Variants in GBF1 observed in about 807,000 individuals in gnomAD.
The protein encoded by GBF1 is Golgi-specific brefeldin A-resistance guanine nucleotide exchange factor 1.
Under a neutral mutation model 210.5 loss-of-function variants are expected in GBF1, and 114 were observed. The ratio of observed to expected loss-of-function variants is 0.54; its 90% CI spans 0.47 to 0.63. The LOEUF (loss-of-function observed/expected upper bound fraction) is 0.63, where lower values mean the gene tolerates loss of function less well. Among genes scored for constraint, GBF1 ranks in the 30% least tolerant of loss-of-function variants. The pLI, the probability that GBF1 is intolerant of heterozygous loss-of-function variation, is 0.00. For missense variants in GBF1, 1,851 were observed against 2,357.7 expected (o/e 0.79, Z 4.45); for synonymous variants, 850 against 889.2 (o/e 0.96, Z 0.78).
chr10:102,237,615 C>G, the GBF1 span, among the ~76,000 whole-genome samples: 1 of 152,110 alleles, frequency 6.6e-6, no homozygotes, highest in African/African-American at 2.4e-5. Context: ...CAGTCAAAAA[C>G]AACATCTACT....
At chr10:102,320,616 C>T (rs1162648953) in intron 3 of GBF1, among the ~76,000 whole-genome samples, 3 of 152,130 alleles carry the variant, frequency 2.0e-5, no homozygotes, top group Non-Finnish European at 4.4e-5. Flanking sequence ...ACTTGCTCTT[C>T]AGCCTTTTCT....
intron 31 of GBF1, 49 bp from the exon 32 acceptor site, chr10:102,376,511 T>A: frequency 6.2e-7 from 1 of 1,612,060 alleles, no homozygotes; most frequent in Non-Finnish European, 8.5e-7. Context: ...GCAAGGACAT[T>A]CACACAGGGG....
In GBF1 at chr10:102,375,563, AG is replaced by A; in HGVS notation, c.3868del (p.Ala1290GlnfsTer22). On this transcript the variant is annotated frameshift_variant, in exon 30 of 40. Coordinates refer to ENST00000369983, the MANE Select transcript of GBF1 (RefSeq NM_001377137.1). LOFTEE classifies it high-confidence loss of function. ...TCCAGCTGCTCTGCAGGCCACAGCC[AG>A]GGCAGATGCACCTGATGCCGGTAAG... ...KPPAALQATA[R>X]ADAPDAGAQS... The A allele has an allele frequency of 2.5e-6, 4 of 1,612,178 alleles. No individual in the cohort carries two copies. The highest frequency in any genetic ancestry group is 3.4e-6 in the Non-Finnish European group (4 of 1,178,272).
chr10:102,277,190 G>T (rs1420083836), intron 3 of GBF1, among the ~76,000 whole-genome samples: 1 of 152,020 alleles, frequency 6.6e-6, no homozygotes, highest in Non-Finnish European at 1.5e-5. Context: ...AGGTGTAGTG[G>T]CATGTGCCTG....
At chr10:102,329,937 C>A (rs1265525465) in intron 3 of GBF1, among the ~76,000 whole-genome samples, 1 of 151,900 alleles carries the variant, frequency 6.6e-6, no homozygotes, top group African/African-American at 2.4e-5. Context: ...AGCAAGACCC[C>A]CTATCTACAA....
chr10:102,266,460 A>G (rs2073883654), intron 3 of GBF1, among the ~76,000 whole-genome samples: 1 of 152,102 alleles, frequency 6.6e-6, no homozygotes, highest in Non-Finnish European at 1.5e-5. Flanking sequence ...ATGGTAAACA[A>G]TCAGTCAGAC....
intron 3 of GBF1, among the ~76,000 whole-genome samples, chr10:102,326,409 G>T (rs1169363438): frequency 6.6e-6 from 1 of 152,190 alleles, no homozygotes; most frequent in Non-Finnish European, 1.5e-5. Flanking sequence ...TTGAGTCTCT[G>T]CTCCCAGACT....
At chr10:102,300,126 T>G (rs1398566888) in intron 3 of GBF1, among the ~76,000 whole-genome samples, 1 of 152,200 alleles carries the variant, frequency 6.6e-6, no homozygotes, top group Non-Finnish European at 1.5e-5. Context: ...TGCAACTGAC[T>G]TCTTGTCTGG....
chr10:102,361,912 G>A lies in GBF1; in HGVS notation c.1686G>A (p.Lys562=), dbSNP rs2059623134. The A allele has an allele frequency of 6.3e-7, 1 of 1,580,440 alleles. No individual in the cohort carries two copies. Among genetic ancestry groups the A allele is most frequent in the Admixed American group, 1.8e-5 (1 of 54,352 alleles). Residue 562 remains lysine, a splice_region_variant and synonymous_variant, in exon 14 of 40, where the codon AAG becomes AAA. Transcript: ENST00000369983. ...AGGAACTCACAAAGCTGCTGTCCAA[G>A]GTGCTGAGCACTATAACTGGCTTCT... is the stretch of plus-strand genomic sequence containing the variant. The part of the protein sequence containing the change: ...LFEELTKLLS[K]NAFPVSGQLY...
Position 102,369,394 on chromosome 10 carries a change from C to G in GBF1, c.3150+7C>G. The G allele has an allele frequency of 6.2e-7, 1 of 1,603,180 alleles. No homozygotes were observed. Among genetic ancestry groups the G allele is most frequent in the African/African-American group, 1.3e-5 (1 of 74,804 alleles). On this transcript the variant is annotated splice_region_variant and intron_variant, in intron 24 of 39. Transcript: ENST00000369983. ...GCCCAAGGCTATGATAGAGGTAATT[C>G]TTAGTAGGAGACTAGTGAGCGATAA... is the stretch of plus-strand genomic sequence containing the variant.
At chr10:102,295,248 G>C (rs1016068523) in intron 3 of GBF1, among the ~76,000 whole-genome samples, 1 of 152,168 alleles carries the variant, frequency 6.6e-6, no homozygotes, top group Non-Finnish European at 1.5e-5. Context: ...ACTGTCAAGG[G>C]CTTGGCAGAT....
At chr10:102,303,860 ATTATT>A (rs1437653882) in intron 3 of GBF1, among the ~76,000 whole-genome samples, 1 of 152,106 alleles carries the variant, frequency 6.6e-6, no homozygotes, top group Non-Finnish European at 1.5e-5. Flanking sequence ...TTTTAAATAC[ATTATT>A]TTGTTTAATT....
chr10:102,268,662 A>G (rs987581519), intron 3 of GBF1, among the ~76,000 whole-genome samples: 1 of 152,152 alleles, frequency 6.6e-6, no homozygotes, highest in Non-Finnish European at 1.5e-5. Flanking sequence ...ACAAGTGCCA[A>G]AAGGGTTTCA....
At chr10:102,347,838 C>T (rs1195409447) in intron 4 of GBF1, among the ~76,000 whole-genome samples, 13 of 152,178 alleles carry the variant, frequency 8.5e-5, no homozygotes, top group Admixed American at 8.5e-4. Context: ...ATACAGCTGC[C>T]AGACCAGAAT....
At chr10:102,233,786 G>A in the GBF1 span, among the ~76,000 whole-genome samples, 2 of 152,172 alleles carry the variant, frequency 1.3e-5, no homozygotes, top group African/African-American at 4.8e-5. Context: ...CCAGGCCATA[G>A]GCAGGAGCTT....
chr10:102,230,656 T>C, the GBF1 span: 9 of 1,599,338 alleles, frequency 5.6e-6, no homozygotes, highest in Middle Eastern at 3.3e-4. Context: ...CGGGTCCCGA[T>C]AGACGTAGGG....
chr10:102,249,707 T>C (rs945339290), intron 1 of GBF1, among the ~76,000 whole-genome samples: 15 of 151,604 alleles, frequency 9.9e-5, no homozygotes, highest in African/African-American at 3.6e-4. Context: ...TTTTTTTTTT[T>C]CTCTGATGGA....
At chr10:102,246,317 C>T (rs909769272) in intron 1 of GBF1, among the ~76,000 whole-genome samples, 2 of 152,184 alleles carry the variant, frequency 1.3e-5, no homozygotes, top group African/African-American at 2.4e-5. Context: ...GAGGTTATAG[C>T]AGCGCAGGGA....
chr10:102,257,834 A>G (rs910486398), intron 1 of GBF1, among the ~76,000 whole-genome samples: 17 of 152,150 alleles, frequency 1.1e-4, no homozygotes, highest in African/African-American at 2.9e-4. Context: ...GGCTCAAGCA[A>G]TCCTCCCGCC....
Sources: gnomAD v4.1 joint callset for allele counts (sites outside exome capture counted in the v4.1 genomes callset) on GRCh38, gnomAD v4.1.1 for gene constraint, MANE v1.5 for transcripts, NCBI Gene and HGNC (gene_info 2026-07-23, HGNC 2026-07-21) for gene names.